The following ARHGAP44 variants were observed in gnomAD, a reference collection of about 807,000 sequenced individuals.
ARHGAP44 encodes the protein Rho GTPase activating protein 44.
ARHGAP44 carries 43 observed loss-of-function variants against 106.8 expected under a neutral mutation model. The observed-to-expected ratio is 0.40, with a 90% confidence interval of 0.32 to 0.52. ARHGAP44 has a LOEUF of 0.52. ARHGAP44 is among the 20% of genes least tolerant of loss of function. The probability of loss-of-function intolerance (pLI) is 0.48; values close to 1 mark genes in which losing one functional copy is unlikely to be tolerated. For missense variants in ARHGAP44, 866 were observed against 1,050.5 expected (o/e 0.82, Z 2.43); for synonymous variants, 439 against 410.3 (o/e 1.07, Z -0.85).
chr17:12,869,285 A>G (rs2036335172), intron 1 of ARHGAP44, among the ~76,000 whole-genome samples: 1 of 152,196 alleles, frequency 6.6e-6, no homozygotes. Context: ...TCTAAAACAT[A>G]TACTGTGTTT....
chr17:12,816,009 A>G lies in ARHGAP44; in HGVS notation c.53+26118A>G, dbSNP rs550406126. Among the ~76,000 whole-genome samples, 65 of 152,264 alleles carry G rather than the reference A, an allele frequency of 4.3e-4. 1 individual carries two copies. The highest frequency in any genetic ancestry group is 9.8e-4 in the Admixed American group (15 of 15,288). ...TAGTGGGGCTGTGGAAGCTGAGCAC[A>G]GTAGTTGAGATATGGTCTGTGAGGC... On this transcript the variant is annotated intron_variant, in intron 1 of 20. Coordinates refer to ENST00000379672, the MANE Select transcript of ARHGAP44 (RefSeq NM_014859.6).
At chr17:12,966,206 G>A (rs749507693) in intron 16 of ARHGAP44, among the ~76,000 whole-genome samples, 2 of 151,810 alleles carry the variant, frequency 1.3e-5, no homozygotes, top group Non-Finnish European at 2.9e-5. Flanking sequence ...GATAAGTGAT[G>A]CAGTAATTTT....
intron 1 of ARHGAP44, among the ~76,000 whole-genome samples, chr17:12,819,279 T>G (rs1056495148): frequency 7.9e-5 from 12 of 152,112 alleles, no homozygotes; most frequent in Admixed American, 5.2e-4. Flanking sequence ...GTATTTTTTT[T>G]TGGTCTTTTT....
intron 3 of ARHGAP44, among the ~76,000 whole-genome samples, chr17:12,897,261 A>ATTT (rs10648314): frequency 2.7e-4 from 41 of 149,952 alleles, no homozygotes; most frequent in South Asian, 1.0e-3. Context: ...TCATTTAGAC[A>ATTT]TTTTTTTTTT....
chr17:12,986,268 G>C (rs1405439066), intron 20 of ARHGAP44: 1 of 152,156 alleles, frequency 6.6e-6, no homozygotes, highest in Non-Finnish European at 1.5e-5. Flanking sequence ...GGTGGGTCTT[G>C]GTGCTGAGGT....
chr17:12,851,518 A>C (rs1272009168), intron 1 of ARHGAP44, among the ~76,000 whole-genome samples: 3 of 151,266 alleles, frequency 2.0e-5, no homozygotes, highest in Non-Finnish European at 2.9e-5. Context: ...CCCAGGCTGG[A>C]GTACAATGGC....
chr17:12,873,911 AAATAAATAAATAAATAAAC>A (rs1567661575), intron 1 of ARHGAP44, among the ~76,000 whole-genome samples: 1,543 of 14,696 alleles, frequency 0.1, 25 homozygotes, highest in African/African-American at 0.12. Flanking sequence ...CTCAAAAAAT[AAATAAATAAATAAATAAAC>A]AAATAAATAA....
At chr17:12,807,104 C>G (rs2034296768) in intron 1 of ARHGAP44, among the ~76,000 whole-genome samples, 1 of 152,102 alleles carries the variant, frequency 6.6e-6, no homozygotes, top group Admixed American at 6.5e-5. Flanking sequence ...GAACCCAAGG[C>G]ACAGGAACCA....
At chr17:12,790,079 TCTCA>T in intron 1 of ARHGAP44, 188 bp downstream of exon 1, 1 of 516,370 alleles carries the variant, frequency 1.9e-6, no homozygotes, top group Admixed American at 4.4e-5. Context: ...CCGGAGCTCT[TCTCA>T]CTCGCCGCCT....
Position 12,943,603 on chromosome 17 carries a change from G to A in ARHGAP44, c.667G>A (p.Ala223Thr). The A allele has an allele frequency of 6.2e-7, 1 of 1,613,920 alleles. No homozygotes were observed. Residue 223 changes from alanine to threonine, a missense_variant, in exon 9 of 21, where the codon GCT becomes ACT. Physicochemically the swap from Ala to Thr is moderately conservative, Grantham distance 58. Coordinates refer to ENST00000379672, the MANE Select transcript of ARHGAP44 (RefSeq NM_014859.6). ...GTCTTCTCAGCTAATAGAAGTGCAA[G>A]CTGAATACCACAGGAAGTCCCTGAC... The part of the protein sequence containing the change: ...NYFQTLIEVQ[A>T]EYHRKSLTLL...
At chr17:12,901,931 A>G (rs2037386173) in intron 3 of ARHGAP44, among the ~76,000 whole-genome samples, 1 of 152,076 alleles carries the variant, frequency 6.6e-6, no homozygotes, top group African/African-American at 2.4e-5. Flanking sequence ...TGGCTTCAAC[A>G]TTTACCACCC....
intron 4 of ARHGAP44, among the ~76,000 whole-genome samples, chr17:12,910,483 C>T (rs1270329523): frequency 2.8e-5 from 3 of 106,118 alleles, no homozygotes; most frequent in African/African-American, 1.1e-4. Flanking sequence ...GATTCTTGCT[C>T]TGTCACCCAG....
chr17:12,977,501 C>T (rs35572516), intron 18 of ARHGAP44, among the ~76,000 whole-genome samples: 55,706 of 152,016 alleles, frequency 0.37, 12,404 homozygotes, highest in Non-Finnish European at 0.5. Flanking sequence ...CTCCACATCC[C>T]GCCCAACTGC....
intron 4 of ARHGAP44, 64 bp downstream of exon 4, chr17:12,909,037 G>A (rs1762094441): frequency 1.5e-6 from 2 of 1,370,792 alleles, no homozygotes; most frequent in South Asian, 1.4e-5. Context: ...GTGAAAAGGG[G>A]ACTAGACCCT....
intron 1 of ARHGAP44, 87 bp downstream of exon 1, chr17:12,789,978 C>T: frequency 7.7e-7 from 1 of 1,296,884 alleles, no homozygotes; most frequent in Non-Finnish European, 1.0e-6. Context: ...CGCCCAGCCT[C>T]CAGTCCTCCT....
chr17:12,827,122 CTG>C (rs2034943403), intron 1 of ARHGAP44, among the ~76,000 whole-genome samples: 2 of 152,306 alleles, frequency 1.3e-5, no homozygotes, highest in East Asian at 3.9e-4. Context: ...TTTTTGGTCT[CTG>C]TAACCCTGTT....
At chr17:12,930,507 G>A (rs976931500) in intron 7 of ARHGAP44, among the ~76,000 whole-genome samples, 4 of 152,028 alleles carry the variant, frequency 2.6e-5, no homozygotes, top group Non-Finnish European at 4.4e-5. Flanking sequence ...CAAAGTGCTG[G>A]GATTACAGGC....
At chr17:12,911,620 A>G (rs1183854458) in intron 4 of ARHGAP44, among the ~76,000 whole-genome samples, 1 of 152,204 alleles carries the variant, frequency 6.6e-6, no homozygotes, top group Non-Finnish European at 1.5e-5. Context: ...TACCACTTGG[A>G]TCACTAAACT....
In ARHGAP44 at chr17:12,789,898, C is replaced by T; in HGVS notation, c.53+7C>T. The T allele has an allele frequency of 6.6e-7, 1 of 1,516,982 alleles. No homozygotes were observed. Among genetic ancestry groups the T allele is most frequent in the Non-Finnish European group, 8.8e-7 (1 of 1,134,528 alleles). The allele number at this position is 1,516,982 out of a possible 1,614,324, so 94.0% of individuals were successfully genotyped here. On this transcript the variant is annotated splice_region_variant and intron_variant, in intron 1 of 20. Transcript: ENST00000379672. ...CCAACCAGACGGTGGGCAGGTAGGT[C>T]ACCCGCGGGCACCGCTGTCGGTGCG...
Sources: gnomAD v4.1 joint callset for allele counts (sites outside exome capture counted in the v4.1 genomes callset) on GRCh38, gnomAD v4.1.1 for gene constraint, MANE v1.5 for transcripts, NCBI Gene and HGNC (gene_info 2026-07-23, HGNC 2026-07-21) for gene names.